The following HPSE2 variants were observed in gnomAD, a reference collection of about 807,000 sequenced individuals.
HPSE2 encodes heparanase 2 (inactive), also known as inactive heparanase-2.
HPSE2 carries 38 observed loss-of-function variants against 60.5 expected under a neutral mutation model. The ratio of observed to expected loss-of-function variants is 0.63; its 90% CI spans 0.48 to 0.82. The LOEUF (loss-of-function observed/expected upper bound fraction) is 0.82. HPSE2 is among the 40% of genes least tolerant of loss of function. HPSE2 has a pLI of 0.00. For missense variants in HPSE2, 713 were observed against 740.4 expected (o/e 0.96, Z 0.43); for synonymous variants, 295 against 293.2 (o/e 1.01, Z -0.06).
intron 5 of HPSE2, among the ~76,000 whole-genome samples, chr10:98,715,844 G>C (rs776910907): frequency 6.6e-6 from 1 of 151,974 alleles, no homozygotes; most frequent in African/African-American, 2.4e-5. Flanking sequence ...GTGATTACTA[G>C]AAGGCTGGGA....
At chr10:99,147,631 T>G (rs1239637784) in intron 2 of HPSE2, among the ~76,000 whole-genome samples, 1 of 152,166 alleles carries the variant, frequency 6.6e-6, no homozygotes, top group Non-Finnish European at 1.5e-5. Flanking sequence ...ACTATGAACA[T>G]GGCCAAACGT....
At chr10:99,194,218 T>C (rs1848317360) in intron 2 of HPSE2, among the ~76,000 whole-genome samples, 1 of 151,770 alleles carries the variant, frequency 6.6e-6, no homozygotes, top group African/African-American at 2.4e-5. Flanking sequence ...AAAATTTCTT[T>C]AAATAAATGA....
At chr10:99,308,079 C>T in the HPSE2 span, among the ~76,000 whole-genome samples, 1 of 151,918 alleles carries the variant, frequency 6.6e-6, no homozygotes, top group African/African-American at 2.4e-5. Context: ...CAACATTATT[C>T]AAAATAGCAA....
intron 9 of HPSE2, among the ~76,000 whole-genome samples, chr10:98,537,943 G>A (rs2133816106): frequency 6.6e-6 from 1 of 152,348 alleles, no homozygotes; most frequent in African/African-American, 2.4e-5. Flanking sequence ...AATAGTGAAA[G>A]TCTTAAAGTC....
At chr10:99,287,677 G>T in the HPSE2 span, among the ~76,000 whole-genome samples, 4 of 152,272 alleles carry the variant, frequency 2.6e-5, no homozygotes, top group South Asian at 8.3e-4. Context: ...TTTACCTTAA[G>T]AAAATGGAAA....
chr10:98,567,782 A>G (rs1944389396), intron 9 of HPSE2, among the ~76,000 whole-genome samples: 1 of 151,466 alleles, frequency 6.6e-6, no homozygotes, highest in African/African-American at 2.4e-5. Flanking sequence ...TATACATGTA[A>G]GTGTACCAAA....
At chr10:99,089,312 G>A (rs1843433883) in intron 3 of HPSE2, among the ~76,000 whole-genome samples, 1 of 152,224 alleles carries the variant, frequency 6.6e-6, no homozygotes, top group East Asian at 1.9e-4. Flanking sequence ...TCAGGTCTTA[G>A]ATTTAAGCCT....
the HPSE2 span, among the ~76,000 whole-genome samples, chr10:99,311,315 C>T: frequency 1.3e-5 from 2 of 152,196 alleles, no homozygotes; most frequent in African/African-American, 4.8e-5. Flanking sequence ...TTGCACTTTG[C>T]AGACACTGTG....
chr10:99,292,318 G>A, the HPSE2 span, among the ~76,000 whole-genome samples: 2 of 152,222 alleles, frequency 1.3e-5, no homozygotes, highest in Admixed American at 1.3e-4. Context: ...AAATAAATAT[G>A]TTCTGAATGT....
At position 98,725,396 on chromosome 10, in the gene HPSE2, C is replaced by T. The variant is rs570820097; in HGVS notation, c.785-3568G>A. The stretch of plus-strand genomic sequence containing the variant: ...AAAAACAAGGAATGGGGAAAGGATT[C>T]CCTATTTAATAAATGGTGCTGGGAA... On this transcript the variant is annotated intron_variant, in intron 4 of 11. Coordinates refer to ENST00000370552, the MANE Select transcript of HPSE2 (RefSeq NM_021828.5). Among the ~76,000 whole-genome samples the T allele has an allele frequency of 6.6e-5, 10 of 152,250 alleles. No individual in the cohort carries two copies. In the South Asian group the frequency reaches 1.9e-3, roughly 28 times the overall value.
chr10:98,526,290 G>T (rs4919234), intron 9 of HPSE2, among the ~76,000 whole-genome samples: 51,530 of 152,050 alleles, frequency 0.34, 8,942 homozygotes, highest in East Asian at 0.43. Context: ...ATTTGCAAAG[G>T]TATAAGGAAA....
intron 3 of HPSE2, among the ~76,000 whole-genome samples, chr10:98,840,831 CTATT>C (rs1407042866): frequency 1.3e-5 from 2 of 152,156 alleles, no homozygotes; most frequent in African/African-American, 4.8e-5. Context: ...CCAGATTTTA[CTATT>C]TAAAGGACTG....
intron 2 of HPSE2, among the ~76,000 whole-genome samples, chr10:99,180,983 T>C (rs888438226): frequency 6.6e-6 from 1 of 151,512 alleles, no homozygotes; most frequent in African/African-American, 2.4e-5. Flanking sequence ...GAGTGTATAT[T>C]AGTTCAACCA....
intron 11 of HPSE2, among the ~76,000 whole-genome samples, chr10:98,464,374 C>T (rs1940438036): frequency 6.6e-6 from 1 of 152,140 alleles, no homozygotes; most frequent in African/African-American, 2.4e-5. Flanking sequence ...CTAGCATGAC[C>T]AAATAAAATG....
chr10:98,597,816 C>T (rs1342494982), intron 9 of HPSE2, among the ~76,000 whole-genome samples: 2 of 151,106 alleles, frequency 1.3e-5, no homozygotes, highest in Admixed American at 6.6e-5. Flanking sequence ...ACTAAAAATA[C>T]AAAAATTAGC....
intron 5 of HPSE2, among the ~76,000 whole-genome samples, chr10:98,713,032 C>G (rs972897584): frequency 1.3e-5 from 2 of 152,016 alleles, no homozygotes; most frequent in Admixed American, 6.6e-5. Flanking sequence ...TAGAGAATTA[C>G]TTCGCTAGAT....
upstream of HPSE2, among the ~76,000 whole-genome samples, chr10:99,240,636 C>T (rs1849920560): frequency 6.6e-6 from 1 of 151,956 alleles, no homozygotes; most frequent in African/African-American, 2.4e-5. Context: ...ATGGTCTTGA[C>T]CTCCTGACCT....
At chr10:98,647,445 C>T (rs775156661) in intron 6 of HPSE2, among the ~76,000 whole-genome samples, 3 of 152,122 alleles carry the variant, frequency 2.0e-5, no homozygotes, top group African/African-American at 2.4e-5. Context: ...CAGGAATTTC[C>T]GGACTTATTT....
chr10:99,051,993 A>T (rs1245701165), intron 3 of HPSE2, among the ~76,000 whole-genome samples: 1 of 152,066 alleles, frequency 6.6e-6, no homozygotes, highest in Non-Finnish European at 1.5e-5. Flanking sequence ...CAAAATCCAG[A>T]TTCTCCAGGG....
Sources: allele counts gnomAD v4.1 joint callset (sites outside exome capture counted in the v4.1 genomes callset), GRCh38; gene constraint gnomAD v4.1.1; transcripts MANE v1.5; gene names NCBI Gene and HGNC (gene_info 2026-07-23, HGNC 2026-07-21).